Variants in CFAP46 observed in about 807,000 individuals in gnomAD.
CFAP46 encodes the protein cilia and flagella associated protein 46.
A neutral mutation model predicts 325.7 loss-of-function variants in CFAP46; 245 were observed. The observed-to-expected ratio is 0.75, with a 90% CI of 0.68 to 0.84. The LOEUF (loss-of-function observed/expected upper bound fraction) is 0.84, where lower values mean the gene tolerates loss of function less well. Among genes scored for constraint, CFAP46 ranks in the 40% least tolerant of loss-of-function variants. CFAP46 has a pLI of 0.00. For missense variants in CFAP46, 3,346 were observed against 3,543.0 expected (o/e 0.94, Z 1.41); for synonymous variants, 1,523 against 1,495.9 (o/e 1.02, Z -0.42).
intron 22 of CFAP46, among the ~76,000 whole-genome samples, chr10:132,907,923 C>G (rs11819406): frequency 0.12 from 18,454 of 152,302 alleles, 2,373 homozygotes; most frequent in African/African-American, 0.32. Context: ...ACCTCGATGG[C>G]ACTTCCAGCC....
chr10:132,922,486 A>G lies in CFAP46; in HGVS notation c.1479T>C (p.Val493=). The change falls in exon 12 of 58, where the codon GTT becomes GTC. Residue 493 remains valine, a synonymous_variant. Transcript: ENST00000368586. The part of the protein sequence containing the change: ...ERAEDKAIMA[V]EQAKKATPKD... ...CACTTCCCCGGGGCGGCACCTGCTC[A>G]ACGGCCATGATGGCCTTGTCCTCTG... The G allele has an allele frequency of 6.5e-7, 1 of 1,533,226 alleles. No homozygotes were observed. The highest frequency in any genetic ancestry group is 1.2e-5 in the South Asian group (1 of 83,710). The allele number at this position is 1,533,226 out of a possible 1,614,324, so 95.0% of individuals were successfully genotyped here. A position where few individuals can be genotyped will look rare whatever the true frequency, so the allele number is the denominator to read the frequency against.
At chr10:132,809,069 C>T (rs925413802) in intron 57 of CFAP46, among the ~76,000 whole-genome samples, 165 bp from the exon 58 acceptor site, 4 of 152,078 alleles carry the variant, frequency 2.6e-5, no homozygotes, top group African/African-American at 9.7e-5. Flanking sequence ...ACCACCCGCA[C>T]CCCTCCCGCA....
chr10:132,856,907 C>T (rs767272507), intron 39 of CFAP46, among the ~76,000 whole-genome samples: 3 of 152,166 alleles, frequency 2.0e-5, no homozygotes, highest in Non-Finnish European at 2.9e-5. Context: ...GGCTCTGTTC[C>T]GGGACAGTTA....
At chr10:132,834,547 A>T (rs1238860509) in intron 48 of CFAP46, 107 bp downstream of exon 48, 7 of 1,481,920 alleles carry the variant, frequency 4.7e-6, no homozygotes, top group Non-Finnish European at 6.3e-6. Context: ...TCCTGAACAA[A>T]GGCGGCCGAG....
At chr10:132,830,634 G>A (rs1848133278) in intron 50 of CFAP46, among the ~76,000 whole-genome samples, 1 of 152,084 alleles carries the variant, frequency 6.6e-6, no homozygotes, top group Non-Finnish European at 1.5e-5. Context: ...ATCCTCTCTT[G>A]ACTCTGTAGT....
Position 132,883,892 on chromosome 10 carries a change from G to T in CFAP46, c.3627+1211C>A, listed in dbSNP as rs555471085. On this transcript the variant is annotated intron_variant, in intron 27 of 57. Coordinates refer to ENST00000368586, the MANE Select transcript of CFAP46 (RefSeq NM_001200049.3). ...GGGGCCAATGGAGGGAGAGAAGGAT[G>T]GGGAGTGAGTGCTGATGGATGCAGG... Among the ~76,000 whole-genome samples the T allele has an allele frequency of 2.6e-5, 4 of 152,332 alleles. No individual in the cohort carries two copies. In the South Asian group the frequency reaches 8.3e-4, roughly 32 times the overall value.
At chr10:132,935,759 A>G (rs1388535787) in intron 7 of CFAP46, among the ~76,000 whole-genome samples, 2 of 113,206 alleles carry the variant, frequency 1.8e-5, no homozygotes, top group Admixed American at 8.8e-5. Context: ...CACAGCCCTC[A>G]GCACCCAAAC....
Position 132,899,017 on chromosome 10 carries a change from G to A in CFAP46, c.3161C>T (p.Ala1054Val), listed in dbSNP as rs555974525. The A allele has an allele frequency of 2.6e-6, 4 of 1,550,578 alleles. No homozygotes were observed. In the African/African-American group the frequency reaches 4.1e-5, roughly 16 times the overall value. ...LLSSAVYRKK[A>V]KGALKRLIGI... Reference sequence around the variant, plus strand: ...GATGAGCCTCTTCAGGGCACCCTTGGCCTTCTTCCTGTAGACGGCTGAGGA... The same window carrying A: ...GATGAGCCTCTTCAGGGCACCCTTGACCTTCTTCCTGTAGACGGCTGAGGA... The change falls in exon 24 of 58, where the codon GCC becomes GTC. Residue 1054 changes from alanine to valine, a missense_variant. Ala to Val is a moderately conservative substitution (Grantham distance 64, BLOSUM62 0). Coordinates refer to ENST00000368586, the MANE Select transcript of CFAP46 (RefSeq NM_001200049.3).
chr10:132,837,887 G>A (rs909210425), intron 44 of CFAP46, among the ~76,000 whole-genome samples: 3 of 119,650 alleles, frequency 2.5e-5, no homozygotes, highest in Non-Finnish European at 5.2e-5. Context: ...AGACATGCAC[G>A]GACACACACA....
At chr10:132,854,323 GTGTTT>G (rs59344968) in intron 39 of CFAP46, among the ~76,000 whole-genome samples, 2,390 of 151,174 alleles carry the variant, frequency 0.016, 27 homozygotes, top group South Asian at 0.045. Context: ...ATAGCTTTCT[GTGTTT>G]TGTTTTGTTT....
rs112390137 is a variant in CFAP46 at position 132,917,208 on chromosome 10, A to G, written c.1987-526T>C. ...GGCATGGGCCTGGCACCTGGGAGCC[A>G]CTCAGCAGACATACTGCCTAAATCG... is the stretch of plus-strand genomic sequence containing the variant. On this transcript the variant is annotated intron_variant, in intron 16 of 57. Transcript: ENST00000368586. 2.8e-4 allele frequency among the ~76,000 whole-genome samples: 42 copies of G among 152,354 alleles called. 1 individual carries two copies. Among genetic ancestry groups the G allele is most frequent in the African/African-American group, 9.6e-4 (40 of 41,584 alleles).
At chr10:132,887,144 CACTTCTCT>C in intron 25 of CFAP46, among the ~76,000 whole-genome samples, 1 of 112,088 alleles carries the variant, frequency 8.9e-6, no homozygotes, top group African/African-American at 4.0e-5. Flanking sequence ...TGTCCTCTCT[CACTTCTCT>C]CTCTCCTCTC....
At position 132,927,861 on chromosome 10, in the gene CFAP46, C is replaced by G. The variant is rs570721841; in HGVS notation, c.967-1195G>C. On this transcript the variant is annotated intron_variant, in intron 9 of 57. Coordinates refer to ENST00000368586, the MANE Select transcript of CFAP46 (RefSeq NM_001200049.3). ...ATAAATCTCGTGAGATCCTGAATGT[C>G]TAACAGTAGGCTGGCGGGGATAATG... 2.6e-5 allele frequency among the ~76,000 whole-genome samples: 4 copies of G among 152,318 alleles called. No individual in the cohort carries two copies. The East Asian group carries it at 7.7e-4, about 29-fold the overall frequency.
At chr10:132,910,472 T>C (rs997574165) in intron 19 of CFAP46, among the ~76,000 whole-genome samples, 2 of 152,122 alleles carry the variant, frequency 1.3e-5, no homozygotes, top group African/African-American at 4.8e-5. Context: ...GTGACGGGCA[T>C]GTGGGCTGCT....
chr10:132,860,337 G>T, intron 37 of CFAP46, 80 bp downstream of exon 37: 1 of 1,084,908 alleles, frequency 9.2e-7, no homozygotes, highest in Admixed American at 2.0e-5. Flanking sequence ...TAGACTTGAC[G>T]TATGGCACAA....
chr10:132,830,432 G>A (rs942920386), intron 50 of CFAP46, among the ~76,000 whole-genome samples: 5 of 152,146 alleles, frequency 3.3e-5, no homozygotes, highest in African/African-American at 9.7e-5. Flanking sequence ...GTGAGCCACC[G>A]CGCCCAGCCA....
At chr10:132,864,579 C>CCAATGCCCGAGA (rs1848782085) in intron 35 of CFAP46, among the ~76,000 whole-genome samples, 7 of 132,460 alleles carry the variant, frequency 5.3e-5, no homozygotes, top group Non-Finnish European at 9.9e-5. Flanking sequence ...ACATCTGTCC[C>CCAATGCCCGAGA]CCTGCCTGAG....
Position 132,924,816 on chromosome 10 carries a change from AC to A in CFAP46, c.1135del (p.Val379SerfsTer43). 1 of 1,471,092 alleles carries A rather than the reference AC, an allele frequency of 6.8e-7. No individual in the cohort carries two copies. 91.1% of individuals were successfully genotyped at this position (1,471,092 alleles called of 1,614,324 possible). The stretch of plus-strand genomic sequence containing the variant: ...CTGCGTGGCGCACACCACGTGGATG[AC>A]CCGGGGGTCGCCCAGGCGCACGGCT... ...QRAVRLGDPR[V>X]IHVVCATQWN... is the part of the protein sequence containing the mutation. On this transcript the variant is annotated frameshift_variant, in exon 11 of 58. Transcript: ENST00000368586. LOFTEE classifies it high-confidence loss of function.
chr10:132,899,193 G>A (rs887570062), intron 23 of CFAP46, 72 bp from the exon 24 acceptor site: 36 of 1,480,344 alleles, frequency 2.4e-5, no homozygotes, highest in Admixed American at 1.1e-4. Flanking sequence ...AGGAGGGACA[G>A]GAAGGTCGGG....
Sources: allele counts gnomAD v4.1 joint callset (sites outside exome capture counted in the v4.1 genomes callset), GRCh38; gene constraint gnomAD v4.1.1; transcripts MANE v1.5; gene names NCBI Gene and HGNC (gene_info 2026-07-23, HGNC 2026-07-21).